The following PDE1C variants were observed in gnomAD, a reference collection of about 807,000 sequenced individuals.
PDE1C encodes dual specificity calcium/calmodulin-dependent 3',5'-cyclic nucleotide phosphodiesterase 1C.
Under a neutral mutation model 93.1 loss-of-function variants are expected in PDE1C, and 62 were observed. The ratio of observed to expected loss-of-function variants is 0.67; its 90% confidence interval spans 0.54 to 0.82. The LOEUF (loss-of-function observed/expected upper bound fraction) is 0.82, where lower values mean the gene tolerates loss of function less well. PDE1C is among the 40% of genes least tolerant of loss of function. The pLI, the probability that PDE1C is intolerant of heterozygous loss-of-function variation, is 0.00. For synonymous variants in PDE1C, 325 were observed against 310.1 expected (o/e 1.05, Z -0.50); for missense variants, 742 against 884.6 (o/e 0.84, Z 2.04).
intron 17 of PDE1C, among the ~76,000 whole-genome samples, chr7:31,769,445 T>G (rs993670703): frequency 6.6e-6 from 1 of 152,228 alleles, no homozygotes; most frequent in Admixed American, 6.5e-5. Flanking sequence ...AGATGTACTT[T>G]CCATCTAAGA....
At chr7:32,064,639 T>C (rs1333446323) in intron 1 of PDE1C, among the ~76,000 whole-genome samples, 1 of 152,148 alleles carries the variant, frequency 6.6e-6, no homozygotes, top group Non-Finnish European at 1.5e-5. Flanking sequence ...CAATTTCTTA[T>C]AACTGAAAGG....
chr7:32,040,838 C>T (rs1438235140), intron 2 of PDE1C, among the ~76,000 whole-genome samples: 1 of 152,092 alleles, frequency 6.6e-6, no homozygotes, highest in African/African-American at 2.4e-5. Flanking sequence ...GATCTCCTGC[C>T]CCACCTACCC....
At chr7:32,028,545 ATTTC>A (rs1451157089) in intron 2 of PDE1C, among the ~76,000 whole-genome samples, 1 of 151,858 alleles carries the variant, frequency 6.6e-6, no homozygotes, top group African/African-American at 2.4e-5. Context: ...TATCCTTCCC[ATTTC>A]TTTATCTTAA....
At chr7:32,418,004 G>C (rs536654671) in intron 1 of PDE1C, among the ~76,000 whole-genome samples, 518 of 152,180 alleles carry the variant, frequency 3.4e-3, no homozygotes, top group Non-Finnish European at 5.6e-3. Context: ...TTTTGGTTTG[G>C]TTTTGAGACA....
intron 2 of PDE1C, among the ~76,000 whole-genome samples, chr7:31,985,300 T>C (rs1269651218): frequency 6.6e-6 from 1 of 152,198 alleles, no homozygotes; most frequent in Non-Finnish European, 1.5e-5. Context: ...AGTAGGGCTA[T>C]TTATATAATC....
rs145965443 is a variant in PDE1C, at chr7:32,137,860, A to G, written c.308+31925T>C. On this transcript the variant is annotated intron_variant, in intron 3 of 18. Coordinates refer to the PDE1C transcript ENST00000396193. Reference sequence around the variant, plus strand: ...AGTGTGTACAAGGAAATGGTTACTTATAGTAAGTAAGAGGTTTGCATCCAT... The same window carrying G: ...AGTGTGTACAAGGAAATGGTTACTTGTAGTAAGTAAGAGGTTTGCATCCAT... 8.7e-4 allele frequency among the ~76,000 whole-genome samples: 132 copies of G among 152,266 alleles called. 3 individuals are homozygous for G. In the East Asian group the frequency reaches 0.022, roughly 26 times the overall value.
downstream of PDE1C, among the ~76,000 whole-genome samples, chr7:31,749,887 G>A (rs1413683596): frequency 1.3e-5 from 2 of 151,814 alleles, no homozygotes; most frequent in Non-Finnish European, 2.9e-5. Context: ...ACAGGCACGT[G>A]CCACCACACC....
intron 1 of PDE1C, among the ~76,000 whole-genome samples, chr7:32,316,787 T>A (rs7785082): frequency 0.043 from 6,566 of 151,508 alleles, 200 homozygotes; most frequent in African/African-American, 0.082. Context: ...GATTTAATGC[T>A]GAGATGCTTT....
rs559565532 is a variant in PDE1C at position 32,272,672 on chromosome 7, G to C, written c.85+25979C>G. On this transcript the variant is annotated intron_variant, in intron 1 of 18. Transcript: ENST00000396193. ...TCTATGTTTGGGTGCAATGGACCCA[G>C]TCCCATGAAATGACTTAACGATTGT... Among the ~76,000 whole-genome samples the C allele has an allele frequency of 2.6e-5, 4 of 152,326 alleles. No homozygotes were observed. The South Asian group carries it at 8.3e-4, about 32-fold the overall frequency.
rs560613749 is a variant in PDE1C at position 32,422,141 on chromosome 7, C to T, written c.310+5681G>A. Among the ~76,000 whole-genome samples, 7 of 152,252 alleles carry T rather than the reference C, an allele frequency of 4.6e-5. 1 individual carries two copies. The South Asian group carries it at 1.0e-3, about 23-fold the overall frequency. On this transcript the variant is annotated intron_variant, in intron 1 of 1. Coordinates refer to the PDE1C transcript ENST00000672256. ...CTTGCCCATTACAGTGCATTCTCAT[C>T]GGTATTGCCTGTCACTAACCTAAGC...
intron 9 of PDE1C, among the ~76,000 whole-genome samples, chr7:31,843,957 T>C (rs1434506948): frequency 6.6e-6 from 1 of 151,774 alleles, no homozygotes; most frequent in Non-Finnish European, 1.5e-5. Context: ...CTGTCTACTG[T>C]ATAACTTTAT....
At chr7:31,745,009 T>C in the PDE1C span, among the ~76,000 whole-genome samples, 9 of 152,116 alleles carry the variant, frequency 5.9e-5, no homozygotes, top group Non-Finnish European at 1.3e-4. Flanking sequence ...GACATTTCAA[T>C]CTTTAAACAT....
intron 1 of PDE1C, among the ~76,000 whole-genome samples, chr7:32,068,130 GT>G: frequency 6.6e-6 from 1 of 152,346 alleles, no homozygotes; most frequent in South Asian, 2.1e-4. Flanking sequence ...CTATAAAGGT[GT>G]CATGGTAATA....
chr7:31,644,153 C>T, the PDE1C span, among the ~76,000 whole-genome samples: 1 of 152,186 alleles, frequency 6.6e-6, no homozygotes, highest in African/African-American at 2.4e-5. Flanking sequence ...AATCAATCAC[C>T]TTTAGAAATA....
chr7:32,096,990 T>C (rs1797789548), intron 3 of PDE1C, among the ~76,000 whole-genome samples: 1 of 152,226 alleles, frequency 6.6e-6, no homozygotes, highest in Non-Finnish European at 1.5e-5. Context: ...ATGGTGATGG[T>C]CCAGGCCAAA....
intron 2 of PDE1C, among the ~76,000 whole-genome samples, chr7:32,034,063 T>TGTGTGC (rs758179626): frequency 2.0e-5 from 3 of 150,956 alleles, no homozygotes; most frequent in Non-Finnish European, 4.4e-5. Context: ...ACTGTGTGTG[T>TGTGTGC]GTGTGTGTGT....
chr7:31,661,953 A>G, the PDE1C span, among the ~76,000 whole-genome samples: 1 of 152,064 alleles, frequency 6.6e-6, no homozygotes, highest in Admixed American at 6.6e-5. Context: ...GCTCACATAT[A>G]CACATATCTA....
chr7:31,666,290 C>T, the PDE1C span, among the ~76,000 whole-genome samples: 77 of 152,146 alleles, frequency 5.1e-4, 1 homozygote, highest in Admixed American at 5.0e-3. Flanking sequence ...GAGAAATTAA[C>T]CGGTCTTTTG....
chr7:32,366,500 T>A (rs1047048097), intron 1 of PDE1C, among the ~76,000 whole-genome samples: 1 of 152,060 alleles, frequency 6.6e-6, no homozygotes, highest in East Asian at 1.9e-4. Context: ...AGGGAATATA[T>A]TTAATGAACT....
Sources: allele counts gnomAD v4.1 joint callset (sites outside exome capture counted in the v4.1 genomes callset), GRCh38; gene constraint gnomAD v4.1.1; transcripts MANE v1.5; gene names NCBI Gene and HGNC (gene_info 2026-07-23, HGNC 2026-07-21).